DCLK1: variants seen among roughly 807,000 people sequenced by gnomAD.
The protein encoded by DCLK1 is doublecortin like kinase 1, also known as serine/threonine-protein kinase DCLK1.
DCLK1 carries 16 observed loss-of-function variants against 86.2 expected under a neutral mutation model. The observed-to-expected ratio is 0.19, with a 90% CI of 0.13 to 0.28. The LOEUF (loss-of-function observed/expected upper bound fraction) is 0.28, where lower values mean the gene tolerates loss of function less well. Ranked by LOEUF, DCLK1 falls within the 10% of genes least tolerant of loss-of-function variation. The pLI is 1.00. For synonymous variants in DCLK1, 369 were observed against 370.5 expected (o/e 1.00, Z 0.05); for missense variants, 590 against 940.2 (o/e 0.63, Z 4.87).
chr13:35,806,435 C>T (rs535706716), intron 14 of DCLK1, among the ~76,000 whole-genome samples: 1 of 152,270 alleles, frequency 6.6e-6, no homozygotes, highest in South Asian at 2.1e-4. Flanking sequence ...ATGGAACTTC[C>T]TCATGAGCTC....
chr13:36,039,432 A>T (rs1425059580), intron 3 of DCLK1, among the ~76,000 whole-genome samples: 1 of 152,218 alleles, frequency 6.6e-6, no homozygotes, highest in Non-Finnish European at 1.5e-5. Context: ...CTGGTATAAA[A>T]AGCAAATTGG....
chr13:36,105,544 C>A (rs1566014136), intron 3 of DCLK1, among the ~76,000 whole-genome samples: 1 of 152,048 alleles, frequency 6.6e-6, no homozygotes, highest in Admixed American at 6.5e-5. Flanking sequence ...TTTCACTATG[C>A]CCAGAGTAGA....
intron 4 of DCLK1, among the ~76,000 whole-genome samples, chr13:35,934,816 A>G (rs762391548): frequency 2.2e-4 from 34 of 152,262 alleles, no homozygotes; most frequent in South Asian, 8.3e-4. Context: ...ACTTCTCCTA[A>G]CATCGCTTTC....
At chr13:35,826,536 A>G (rs1482576046) in intron 10 of DCLK1, among the ~76,000 whole-genome samples, 13,159 of 80,478 alleles carry the variant, frequency 0.16, 2,856 homozygotes, top group Non-Finnish European at 0.22. Context: ...AAAAAAAAAA[A>G]AAAAAAGAAA....
chr13:35,954,799 A>G (rs1322225758), intron 3 of DCLK1, among the ~76,000 whole-genome samples: 2 of 152,100 alleles, frequency 1.3e-5, no homozygotes, highest in Non-Finnish European at 1.5e-5. Flanking sequence ...TCCTCAAAGT[A>G]CTCTTTACAA....
chr13:35,846,326 A>C, intron 6 of DCLK1: 15 of 985,326 alleles, frequency 1.5e-5, no homozygotes, highest in Non-Finnish European at 1.8e-5. Context: ...GATGAGTATC[A>C]ACTCCTCAAA....
At chr13:35,858,651 G>A (rs1427119316) in intron 5 of DCLK1, among the ~76,000 whole-genome samples, 1 of 151,968 alleles carries the variant, frequency 6.6e-6, no homozygotes, top group Non-Finnish European at 1.5e-5. Context: ...TTTAGGCAAG[G>A]TTATTGCAAT....
intron 15 of DCLK1, among the ~76,000 whole-genome samples, chr13:35,801,341 AATTG>A (rs2086914687): frequency 6.6e-6 from 1 of 152,188 alleles, no homozygotes; most frequent in Non-Finnish European, 1.5e-5. Context: ...TACTTTTAAC[AATTG>A]ATTATTTTCA....
intron 3 of DCLK1, among the ~76,000 whole-genome samples, chr13:35,976,192 G>A (rs2153140528): frequency 6.6e-6 from 1 of 152,168 alleles, no homozygotes; most frequent in East Asian, 1.9e-4. Context: ...AGGCAGGTTG[G>A]GAGGAGAAAG....
chr13:36,097,359 T>C (rs1205462457), intron 3 of DCLK1, among the ~76,000 whole-genome samples: 1 of 152,220 alleles, frequency 6.6e-6, no homozygotes, highest in Non-Finnish European at 1.5e-5. Context: ...TGGGTGCTTT[T>C]TGTAGTACGA....
At chr13:36,054,168 G>A (rs1242179749) in intron 3 of DCLK1, among the ~76,000 whole-genome samples, 5 of 152,126 alleles carry the variant, frequency 3.3e-5, no homozygotes, top group Non-Finnish European at 2.9e-5. Flanking sequence ...CTTGGCTGGG[G>A]CAAAGGCTTG....
At chr13:36,038,259 C>T (rs1882578703) in intron 3 of DCLK1, among the ~76,000 whole-genome samples, 1 of 152,186 alleles carries the variant, frequency 6.6e-6, no homozygotes, top group Non-Finnish European at 1.5e-5. Flanking sequence ...GGACAGGTCA[C>T]TGTCCCCACC....
At chr13:35,852,061 T>C (rs2153110157) in intron 6 of DCLK1, among the ~76,000 whole-genome samples, 1 of 152,098 alleles carries the variant, frequency 6.6e-6, no homozygotes, top group African/African-American at 2.4e-5. Context: ...TTCTTGGCCA[T>C]GTTGCTAGGC....
At chr13:35,847,419 T>C in intron 6 of DCLK1, 1 of 985,132 alleles carries the variant, frequency 1.0e-6, no homozygotes, top group Non-Finnish European at 1.2e-6. Context: ...CATACACAGA[T>C]ACTTACAGAA....
intron 3 of DCLK1, among the ~76,000 whole-genome samples, chr13:36,035,316 G>C (rs1882446016): frequency 1.3e-5 from 2 of 151,926 alleles, no homozygotes; most frequent in Admixed American, 1.3e-4. Context: ...TGTCTGCCTT[G>C]ACCCTCCTAA....
chr13:36,095,844 AT>A (rs1419598825), intron 3 of DCLK1, among the ~76,000 whole-genome samples: 1 of 152,180 alleles, frequency 6.6e-6, no homozygotes, highest in African/African-American at 2.4e-5. Context: ...TAAATTAAAG[AT>A]AGAGGATTTT....
intron 4 of DCLK1, among the ~76,000 whole-genome samples, chr13:35,934,505 AAG>A (rs1876644749): frequency 1.3e-5 from 2 of 152,344 alleles, no homozygotes; most frequent in East Asian, 3.9e-4. Context: ...GCAGCAGGCA[AAG>A]AGAGAGTGAA....
chr13:35,904,060 TA>T, intron 4 of DCLK1, among the ~76,000 whole-genome samples: 1 of 149,638 alleles, frequency 6.7e-6, no homozygotes, highest in African/African-American at 2.6e-5. Flanking sequence ...TTTTTTTTTT[TA>T]AAGTTTAAAG....
At chr13:36,014,425 C>A (rs972287200) in intron 3 of DCLK1, among the ~76,000 whole-genome samples, 1 of 152,130 alleles carries the variant, frequency 6.6e-6, no homozygotes, top group African/African-American at 2.4e-5. Context: ...TTTTAAATTA[C>A]AGCCGATAAA....
Sources: gnomAD v4.1 joint callset for allele counts (sites outside exome capture counted in the v4.1 genomes callset) on GRCh38, gnomAD v4.1.1 for gene constraint, MANE v1.5 for transcripts, NCBI Gene and HGNC (gene_info 2026-07-23, HGNC 2026-07-21) for gene names.